YIPF5: variants seen among roughly 807,000 people sequenced by gnomAD.
YIPF5 encodes the protein protein YIPF5.
A neutral mutation model predicts 30.4 loss-of-function variants in YIPF5; 8 were observed. The observed-to-expected ratio is 0.26, with a 90% CI of 0.15 to 0.47. The LOEUF is 0.47. Among genes scored for constraint, YIPF5 ranks in the 20% least tolerant of loss-of-function variants. The pLI is 0.99. For missense variants in YIPF5, 282 were observed against 301.8 expected (o/e 0.93, Z 0.49); for synonymous variants, 104 against 107.9 (o/e 0.96, Z 0.23).
intron 3 of YIPF5, among the ~76,000 whole-genome samples, 162 bp downstream of exon 3, chr5:144,165,270 G>C (rs1235714938): frequency 6.6e-6 from 1 of 152,190 alleles, no homozygotes; most frequent in Non-Finnish European, 1.5e-5. Flanking sequence ...CTGGCCCAAT[G>C]TGGTTTCGCA....
intron 2 of YIPF5, among the ~76,000 whole-genome samples, chr5:144,169,231 T>C (rs768136357): frequency 2.0e-5 from 3 of 152,146 alleles, no homozygotes; most frequent in Non-Finnish European, 4.4e-5. Flanking sequence ...CACCAGGTAC[T>C]ATAAAAAGAT....
intron 2 of YIPF5, among the ~76,000 whole-genome samples, chr5:144,169,246 T>TA (rs1187305497): frequency 2.0e-5 from 3 of 151,490 alleles, no homozygotes; most frequent in Non-Finnish European, 2.9e-5. Flanking sequence ...AAAGATCATT[T>TA]AAAAAAAAAT....
At chr5:144,168,566 A>G (rs1752264243) in intron 2 of YIPF5, among the ~76,000 whole-genome samples, 1 of 152,228 alleles carries the variant, frequency 6.6e-6, no homozygotes, top group African/African-American at 2.4e-5. Context: ...TCTGCCCATT[A>G]ATTTATCAAA....
intron 5 of YIPF5, 21 bp from the exon 6 acceptor site, chr5:144,160,580 G>C (rs368679305): frequency 6.3e-7 from 1 of 1,586,516 alleles, no homozygotes; most frequent in African/African-American, 1.4e-5. Context: ...CAAGGAAAAA[G>C]GGGGGAGAAG....
Position 144,158,815 on chromosome 5 carries a change from GTTAT to G in YIPF5, c.*1578_*1581del, listed in dbSNP as rs1036006550. The stretch of plus-strand genomic sequence containing the variant: ...CATACTTATGTGAATCAATAAATAT[GTTAT>G]TTCTCTCAACCTCTTTTTATGCTTT... On this transcript the variant is annotated 3_prime_UTR_variant, in exon 6 of 6. Coordinates refer to ENST00000274496, the MANE Select transcript of YIPF5 (RefSeq NM_030799.9). 1.9e-4 allele frequency: 188 copies of G among 983,658 alleles called. No individual in the cohort carries two copies. The highest frequency in any genetic ancestry group is 3.7e-4 in the Admixed American group (6 of 16,136). The allele number at this position is 983,658 out of a possible 1,614,324, so 60.9% of individuals were successfully genotyped here.
At chr5:144,164,306 TAATTC>T (rs1179024645) in intron 3 of YIPF5, 50 bp from the exon 4 acceptor site, 1 of 1,514,424 alleles carries the variant, frequency 6.6e-7, no homozygotes, top group Non-Finnish European at 9.0e-7. Flanking sequence ...GATGTATTTT[TAATTC>T]ATCAAAATCT....
At chr5:144,166,517 C>A (rs540336307) in intron 2 of YIPF5, among the ~76,000 whole-genome samples, 1 of 152,130 alleles carries the variant, frequency 6.6e-6, no homozygotes, top group African/African-American at 2.4e-5. Flanking sequence ...CTTAGAAAAC[C>A]TTTAGTCTAA....
At chr5:144,164,742 A>G (rs1752154209) in intron 3 of YIPF5, among the ~76,000 whole-genome samples, 1 of 152,060 alleles carries the variant, frequency 6.6e-6, no homozygotes, top group East Asian at 1.9e-4. Flanking sequence ...CCAGTCTTCA[A>G]TGTGGTGCTC....
At chr5:144,169,752 A>G (rs1385239910) in intron 2 of YIPF5, 94 bp downstream of exon 2, 2 of 982,470 alleles carry the variant, frequency 2.0e-6, no homozygotes, top group African/African-American at 1.6e-5. Flanking sequence ...GATAAAGGAC[A>G]TGTTCACATA....
Position 144,162,133 on chromosome 5 carries a change from G to A in YIPF5, c.611+85C>T, listed in dbSNP as rs1308291641. The A allele has an allele frequency of 1.6e-5, 22 of 1,414,760 alleles. No homozygotes were observed. The Admixed American group carries it at 2.7e-4, about 17-fold the overall frequency. 87.6% of individuals were successfully genotyped at this position (1,414,760 alleles called of 1,614,324 possible). A position where few individuals can be genotyped will look rare whatever the true frequency, so the allele number is the denominator to read the frequency against. ...CACTATCTGATATGTTTGCTGAATC[G>A]GTGATTTATCTCAAACTGAAGATGA... On this transcript the variant is annotated intron_variant, in intron 5 of 5. Coordinates refer to ENST00000274496, the MANE Select transcript of YIPF5 (RefSeq NM_030799.9).
Position 144,158,232 on chromosome 5 carries a change from A to T in YIPF5, c.*2165T>A, listed in dbSNP as rs1751922664. 3.1e-6 allele frequency: 1 copy of T among 324,922 alleles called. No individual in the cohort carries two copies. The highest frequency in any genetic ancestry group is 2.5e-5 in the South Asian group (1 of 39,352). The allele number at this position is 324,922 out of a possible 1,614,324, so 20.1% of individuals were successfully genotyped here. Reference sequence around the variant, plus strand: ...CCTACATAACAGAGTTTGATAAGAGAAGTTTTGGCTATATACAACTCTGCA... The same window carrying T: ...CCTACATAACAGAGTTTGATAAGAGTAGTTTTGGCTATATACAACTCTGCA... On this transcript the variant is annotated 3_prime_UTR_variant, in exon 6 of 6. Transcript: ENST00000274496.
chr5:144,164,360 A>G lies in YIPF5; in HGVS notation c.284-104T>C, dbSNP rs542390092. On this transcript the variant is annotated intron_variant, in intron 3 of 5. Coordinates refer to ENST00000274496, the MANE Select transcript of YIPF5 (RefSeq NM_030799.9). ...AGACAAAATGACATAGCATCAAAAA[A>G]GGATCTAGCAATATTGGATGATATT... 21 of 980,234 alleles carry G rather than the reference A, an allele frequency of 2.1e-5. No individual in the cohort carries two copies. In the African/African-American group the frequency reaches 3.1e-4, roughly 15 times the overall value. The allele number at this position is 980,234 out of a possible 1,614,324, so 60.7% of individuals were successfully genotyped here.
rs774749681 is a variant in YIPF5, at chr5:144,169,299, A to C, written c.110+547T>G. ...TTTGAGTCAACCTCCTCAGTATGCA[A>C]CTTATAACACGTGTGGCACTGACCA... On this transcript the variant is annotated intron_variant, in intron 2 of 5. Transcript: ENST00000274496. Among the ~76,000 whole-genome samples, 60 of 152,210 alleles carry C rather than the reference A, an allele frequency of 3.9e-4. 5 individuals carry two copies. The highest frequency in any genetic ancestry group is 8.8e-5 in the Non-Finnish European group (6 of 68,032).
rs761700274 is a variant in YIPF5, at chr5:144,165,569, C to G, written c.146G>C (p.Arg49Thr). The change falls in exon 3 of 6, where the codon AGA (arginine) becomes ACA (threonine). Residue 49 changes from arginine to threonine, a missense_variant. By Grantham distance (71) the Arg-to-Thr change is moderately conservative. Coordinates refer to ENST00000274496, the MANE Select transcript of YIPF5 (RefSeq NM_030799.9). ...CTGCATCATGTCTGGAGGGACAAAT[C>G]TGCCTTGCTGCGAATAGTCATAGCC... ...YAGYDYSQQG[R>T]FVPPDMMQPQ... 4 of 1,614,112 alleles carry G rather than the reference C, an allele frequency of 2.5e-6. No individual in the cohort carries two copies. In the East Asian group the frequency reaches 8.9e-5, roughly 36 times the overall value.
At position 144,165,603 on chromosome 5, in the gene YIPF5, G is replaced by C; in HGVS notation, c.112C>G (p.Gln38Glu). 1 of 1,613,500 alleles carries C rather than the reference G, an allele frequency of 6.2e-7. No individual in the cohort carries two copies. Among genetic ancestry groups the C allele is most frequent in the South Asian group, 1.1e-5 (1 of 91,006 alleles). ...TGCGAATAGTCATAGCCAGCATACT[G>C]TCTATAAATGAAAGAAAGTTAAATT... is the stretch of plus-strand genomic sequence containing the variant. Reference protein sequence around the residue: ...YGGSGGPYSKQYAGYDYSQQG... With the variant: ...YGGSGGPYSKEYAGYDYSQQG... Residue 38 changes from glutamine to glutamate, a missense_variant and splice_region_variant, in exon 3 of 6, where the codon CAG becomes GAG. Gln to Glu is a conservative substitution (Grantham distance 29). Transcript: ENST00000274496.
At chr5:144,164,309 T>A in intron 3 of YIPF5, 53 bp from the exon 4 acceptor site, 3 of 1,509,520 alleles carry the variant, frequency 2.0e-6, no homozygotes, top group Non-Finnish European at 2.7e-6. Context: ...GTATTTTTAA[T>A]TCATCAAAAT....
In YIPF5 at chr5:144,160,335, T is replaced by C; in HGVS notation, c.*62A>G. 7.1e-6 allele frequency: 11 copies of C among 1,554,666 alleles called. No homozygotes were observed. Among genetic ancestry groups the C allele is most frequent in the Non-Finnish European group, 9.6e-6 (11 of 1,148,916 alleles). ...CGCTGCAGCAGTTTGCTGGTCCAAT[T>C]TAAGAGTTCAAGGTCCTTTTTGTAC... On this transcript the variant is annotated 3_prime_UTR_variant, in exon 6 of 6. Coordinates refer to ENST00000274496, the MANE Select transcript of YIPF5 (RefSeq NM_030799.9).
rs1417346752 is a variant in YIPF5, at chr5:144,164,007, G to C, written c.429+104C>G. 5 of 1,394,352 alleles carry C rather than the reference G, an allele frequency of 3.6e-6. No individual in the cohort carries two copies. The African/African-American group carries it at 7.2e-5, about 20-fold the overall frequency. 86.4% of individuals were successfully genotyped at this position (1,394,352 alleles called of 1,614,324 possible). Reference sequence around the variant, plus strand: ...TCAGTACTATTCCAAACACATCAAAGACTTGAGGTGTAAAGCGGAGTTTCA... The same window carrying C: ...TCAGTACTATTCCAAACACATCAAACACTTGAGGTGTAAAGCGGAGTTTCA... On this transcript the variant is annotated intron_variant, in intron 4 of 5. Coordinates refer to ENST00000274496, the MANE Select transcript of YIPF5 (RefSeq NM_030799.9).
chr5:144,159,735 C>CAAAAA lies in YIPF5; in HGVS notation c.*661_*662insTTTTT. ...TTTTTTTTTTTTTGAGACAGAGTCTCACCCTGTCACCCAGGCTGGATGGAG... is the reference window on the plus strand; with the variant it reads ...TTTTTTTTTTTTTGAGACAGAGTCTCAAAAAACCCTGTCACCCAGGCTGGATGGAG... On this transcript the variant is annotated 3_prime_UTR_variant, in exon 6 of 6. Transcript: ENST00000274496. 1.1e-6 allele frequency: 1 copy of CAAAAA among 927,968 alleles called. No individual in the cohort carries two copies. The highest frequency in any genetic ancestry group is 1.3e-6 in the Non-Finnish European group (1 of 784,004). 57.5% of individuals were successfully genotyped at this position (927,968 alleles called of 1,614,324 possible). A position where few individuals can be genotyped will look rare whatever the true frequency, so the allele number is the denominator to read the frequency against.
Sources: gnomAD v4.1 joint callset for allele counts (sites outside exome capture counted in the v4.1 genomes callset) on GRCh38, gnomAD v4.1.1 for gene constraint, MANE v1.5 for transcripts, NCBI Gene and HGNC (gene_info 2026-07-23, HGNC 2026-07-21) for gene names.